Variants in TSC2 observed in about 807,000 individuals in gnomAD.
TSC2 encodes TSC complex subunit 2.
A neutral mutation model predicts 202.2 loss-of-function variants in TSC2; 29 were observed. The ratio of observed to expected loss-of-function variants is 0.14; its 90% CI spans 0.11 to 0.20. The LOEUF (loss-of-function observed/expected upper bound fraction) is 0.20. Among genes scored for constraint, TSC2 ranks in the 10% least tolerant of loss-of-function variants. The pLI is 1.00. For synonymous variants in TSC2, 1,349 were observed against 1,044.0 expected (o/e 1.29, Z -5.63); for missense variants, 2,429 against 2,420.0 (o/e 1.00, Z -0.08).
intron 17 of TSC2, 86 bp downstream of exon 17, chr16:2,070,664 G>T: frequency 6.3e-7 from 1 of 1,596,140 alleles, no homozygotes; most frequent in Non-Finnish European, 8.5e-7. Flanking sequence ...GGAAGCTGCA[G>T]AGACGGCCCC....
At position 2,064,393 on chromosome 16, in the gene TSC2, A is replaced by C. The variant is rs397515147; in HGVS notation, c.1565A>C (p.His522Pro). The C allele has an allele frequency of 6.2e-7, 1 of 1,613,646 alleles. No individual in the cohort carries two copies. Among genetic ancestry groups the C allele is most frequent in the East Asian group, 2.2e-5 (1 of 44,882 alleles). ...LVDLAEGCHTHHFNSLLDIIE... is the reference protein window; with the variant it reads ...LVDLAEGCHTPHFNSLLDIIE... ...GACCTGGCAGAGGGCTGCCACACAC[A>C]CCACTTCAACAGCCTGCTGGACATC... Residue 522 changes from histidine (H) to proline (P), a missense_variant, in exon 15 of 42, where the codon CAC becomes CCC. By Grantham distance (77) the His-to-Pro change is moderately conservative. Transcript: ENST00000219476.
In TSC2 at chr16:2,062,561, G is replaced by C; in HGVS notation, c.1322G>C (p.Trp441Ser). 6.2e-7 allele frequency: 1 copy of C among 1,612,192 alleles called. No individual in the cohort carries two copies. The highest frequency in any genetic ancestry group is 8.5e-7 in the Non-Finnish European group (1 of 1,179,112). Residue 441 changes from tryptophan to serine, a missense_variant, in exon 13 of 42, where the codon TGG becomes TCG. Transcript: ENST00000219476. Reference protein sequence around the residue: ...AQSIHPAKDGWIQNLQALMER... With the variant: ...AQSIHPAKDGSIQNLQALMER... ...TCCATCCACCCGGCCAAGGACGGCTGGATTCAGAACCTGCAGGCGCTGATG... is the reference window on the plus strand; with the variant it reads ...TCCATCCACCCGGCCAAGGACGGCTCGATTCAGAACCTGCAGGCGCTGATG...
chr16:2,084,939 C>T lies in TSC2; in HGVS notation c.4494-12C>T, dbSNP rs780056359. The T allele has an allele frequency of 4.3e-6, 7 of 1,613,144 alleles. No homozygotes were observed. The highest frequency in any genetic ancestry group is 3.3e-5 in the Admixed American group (2 of 60,006). ...CCCTCACCTGGGTGCCCACCATCCC[C>T]TCCCTGTGCAGTTTCGTGTTCCTGC... is the stretch of plus-strand genomic sequence containing the variant. On this transcript the variant is annotated splice_polypyrimidine_tract_variant and intron_variant, in intron 34 of 41. Transcript: ENST00000219476.
rs2089413140 is a variant in TSC2, at chr16:2,076,555, G to A, written c.2807G>A (p.Arg936Gln). The A allele has an allele frequency of 6.2e-7, 1 of 1,613,278 alleles. No homozygotes were observed. The highest frequency in any genetic ancestry group is 1.3e-5 in the African/African-American group (1 of 74,882). ...CCCGAGAAGGACAGCTTCAGGGCCCGGAGTACTAGTCTCAACGAGAGACCC... is the reference window on the plus strand; with the variant it reads ...CCCGAGAAGGACAGCTTCAGGGCCCAGAGTACTAGTCTCAACGAGAGACCC... ...DTPEKDSFRA[R>Q]STSLNERPKS... is the part of the protein sequence containing the mutation. The change falls in exon 25 of 42, where the codon CGG (arginine) becomes CAG (glutamine). Residue 936 changes from arginine to glutamine, a missense_variant. Transcript: ENST00000219476.
chr16:2,064,128 G>A, intron 14 of TSC2, 144 bp from the exon 15 acceptor site: 2 of 1,338,394 alleles, frequency 1.5e-6, no homozygotes, highest in Non-Finnish European at 1.1e-6. Flanking sequence ...GCGCTCAGCG[G>A]GTGCTTGTGC....
At chr16:2,069,528 G>T (rs898434606) in intron 16 of TSC2, among the ~76,000 whole-genome samples, 4 of 150,030 alleles carry the variant, frequency 2.7e-5, no homozygotes, top group Admixed American at 2.7e-4. Context: ...CGCCCAGGCT[G>T]GAGTGCAGTG....
chr16:2,084,762 G>C (rs1437088066), intron 34 of TSC2, 47 bp downstream of exon 34: 2 of 1,598,256 alleles, frequency 1.3e-6, no homozygotes, highest in East Asian at 4.5e-5. Context: ...TCTCCTGCGG[G>C]AACCTGGTGC....
chr16:2,079,589 A>G lies in TSC2; in HGVS notation c.3317A>G (p.Lys1106Arg), dbSNP rs764113584. ...CCCGGGGTGCATGTGAGACAGACCAAGGAGGCGCCGGCCAAGCTGGAGTCC... is the reference window on the plus strand; with the variant it reads ...CCCGGGGTGCATGTGAGACAGACCAGGGAGGCGCCGGCCAAGCTGGAGTCC... ...SSPGVHVRQT[K>R]EAPAKLESQA... Residue 1106 changes from lysine to arginine, a missense_variant, in exon 29 of 42, where the codon AAG becomes AGG. Physicochemically the swap from Lys to Arg is conservative, Grantham distance 26 (BLOSUM62 2). Coordinates refer to ENST00000219476, the MANE Select transcript of TSC2 (RefSeq NM_000548.5). The surrounding 1 kb of genome is among the most constrained non-coding windows in gnomAD (Gnocchi z 4.6). The G allele has an allele frequency of 1.2e-6, 2 of 1,611,612 alleles. No individual in the cohort carries two copies. The highest frequency in any genetic ancestry group is 8.5e-7 in the Non-Finnish European group (1 of 1,179,524).
chr16:2,073,665 C>T (rs1263611453), intron 21 of TSC2, among the ~76,000 whole-genome samples: 1 of 152,256 alleles, frequency 6.6e-6, no homozygotes, highest in Non-Finnish European at 1.5e-5. Flanking sequence ...TCACTGGGTC[C>T]TCATGGGTCT....
At chr16:2,087,144 C>T in intron 38 of TSC2, 1 of 529,936 alleles carries the variant, frequency 1.9e-6, no homozygotes, top group South Asian at 2.0e-5. Context: ...GTTGGTGCTT[C>T]CTGTCTGTCC....
At chr16:2,081,887 GC>G in intron 31 of TSC2, 89 bp downstream of exon 31, 1 of 1,526,712 alleles carries the variant, frequency 6.6e-7, no homozygotes, top group East Asian at 2.4e-5. Flanking sequence ...TCTGCTGAGG[GC>G]GCCCACACGG....
At chr16:2,063,584 C>T (rs764924301) in intron 14 of TSC2, 7 of 240,256 alleles carry the variant, frequency 2.9e-5, no homozygotes, top group Non-Finnish European at 5.0e-5. Flanking sequence ...TGAGGCTGTC[C>T]CTTCCCACCG....
chr16:2,072,565 T>A, intron 20 of TSC2: 2 of 868,574 alleles, frequency 2.3e-6, no homozygotes, highest in Non-Finnish European at 3.5e-6. Flanking sequence ...GGGACTGACG[T>A]CAGAGGTCCC....
At chr16:2,085,357 G>A (rs368519756) in intron 36 of TSC2, 35 bp downstream of exon 36, 3 of 1,608,000 alleles carry the variant, frequency 1.9e-6, no homozygotes, top group African/African-American at 2.7e-5. Context: ...TGCCTGGACA[G>A]GGCCAGCTGG....
At chr16:2,078,162 A>AGG (rs2089662956) in intron 26 of TSC2, 2 of 237,294 alleles carry the variant, frequency 8.4e-6, no homozygotes, top group Non-Finnish European at 1.7e-5. Flanking sequence ...GGGGTGGGGC[A>AGG]GCCTGGGAGG....
Position 2,088,725 on chromosome 16 carries a change from T to TTAA in TSC2, c.*116_*117insAAT. ...GGCACAGATTGCAGTCAGACAGCTC[T>TTAA]TTTATTGACTTTGTCTGCTTGGTGC... On this transcript the variant is annotated 3_prime_UTR_variant, in exon 42 of 42. Coordinates refer to ENST00000219476, the MANE Select transcript of TSC2 (RefSeq NM_000548.5). The TTAA allele has an allele frequency of 7.2e-7, 1 of 1,382,298 alleles. No individual in the cohort carries two copies. The highest frequency in any genetic ancestry group is 2.5e-5 in the East Asian group (1 of 39,882). 85.6% of individuals were successfully genotyped at this position (1,382,298 alleles called of 1,614,324 possible).
Position 2,064,945 on chromosome 16 carries a change from C to T in TSC2, c.1599+518C>T, listed in dbSNP as rs145989444. ...CCTGGCCAACATGGTGAAATCCTGT[C>T]TCTACTAAAAATATAAAAATTAGCT... On this transcript the variant is annotated intron_variant, in intron 15 of 41. Transcript: ENST00000219476. The T allele has an allele frequency of 7.2e-3, 1,469 of 204,368 alleles. 23 individuals carry two copies. The highest frequency in any genetic ancestry group is 0.032 in the African/African-American group (1,374 of 42,814). The allele number at this position is 204,368 out of a possible 1,614,324, so 12.7% of individuals were successfully genotyped here.
chr16:2,085,173 G>T lies in TSC2; in HGVS notation c.4570-57G>T, dbSNP rs1322861960. On this transcript the variant is annotated intron_variant, in intron 35 of 41. Transcript: ENST00000219476. Reference sequence around the variant, plus strand: ...GCAGCCTGCCGTGACCGGCCTGGGTGGGGCGGCCTCCTGTGGACGGGCGTC... The same window carrying T: ...GCAGCCTGCCGTGACCGGCCTGGGTTGGGCGGCCTCCTGTGGACGGGCGTC... The T allele has an allele frequency of 5.6e-6, 9 of 1,609,450 alleles. No homozygotes were observed. In the Middle Eastern group the frequency reaches 5.0e-4, roughly 89 times the overall value.
At chr16:2,048,503 G>C (rs1044532442) in intron 1 of TSC2, 84 bp from the exon 2 acceptor site, 9 of 1,552,954 alleles carry the variant, frequency 5.8e-6, no homozygotes, top group Non-Finnish European at 7.9e-6. Context: ...CAGAGACCCA[G>C]GGTCCTGACG....
Sources: gnomAD v4.1 joint callset for allele counts (sites outside exome capture counted in the v4.1 genomes callset) on GRCh38, gnomAD v4.1.1 for gene constraint, Gnocchi (gnomAD v3.1) non-coding constraint, MANE v1.5 for transcripts, NCBI Gene and HGNC (gene_info 2026-07-23, HGNC 2026-07-21) for gene names.